Variants in SERPINE2 observed in about 807,000 individuals in gnomAD.
SERPINE2 encodes serpin family E member 2.
Under a neutral mutation model 36.3 loss-of-function variants are expected in SERPINE2, and 14 were observed. That is an observed-to-expected ratio of 0.39 (90% CI 0.25 to 0.60). SERPINE2 has a LOEUF of 0.60. Ranked by LOEUF, SERPINE2 falls within the 20% of genes least tolerant of loss-of-function variation. The probability of loss-of-function intolerance (pLI) is 0.57; values close to 1 mark genes in which losing one functional copy is unlikely to be tolerated. For missense variants in SERPINE2, 418 were observed against 499.6 expected (o/e 0.84, Z 1.56); for synonymous variants, 192 against 191.8 (o/e 1.00, Z -0.01).
intron 1 of SERPINE2, among the ~76,000 whole-genome samples, chr2:224,013,483 G>C (rs1691698496): frequency 6.6e-6 from 1 of 152,212 alleles, no homozygotes; most frequent in South Asian, 2.1e-4. Context: ...AGGAAGAGGA[G>C]GGAAGCAGGG....
Position 223,984,828 on chromosome 2 carries a change from G to A in SERPINE2, c.808C>T (p.Pro270Ser), listed in dbSNP as rs1334292924. The change falls in exon 5 of 9, where the codon CCA becomes TCA. Residue 270 changes from proline to serine, a missense_variant. Physicochemically the swap from Pro to Ser is moderately conservative, Grantham distance 74 (BLOSUM62 -1). Transcript: ENST00000409304. ...ESSTPLSAIIPHISTKTIDSW... is the reference protein window; with the variant it reads ...ESSTPLSAIISHISTKTIDSW... Reference sequence around the variant, plus strand: ...TCTATGGTCTTGGTGCTGATGTGTGGGATGATGGCAGACAGCGGAGTGGAG... The same window carrying A: ...TCTATGGTCTTGGTGCTGATGTGTGAGATGATGGCAGACAGCGGAGTGGAG... 1 of 1,614,066 alleles carries A rather than the reference G, an allele frequency of 6.2e-7. No individual in the cohort carries two copies. Among genetic ancestry groups the A allele is most frequent in the Non-Finnish European group, 8.5e-7 (1 of 1,180,020 alleles).
chr2:223,982,499 T>A, intron 6 of SERPINE2, 182 bp downstream of exon 6: 1 of 483,324 alleles, frequency 2.1e-6, no homozygotes, highest in Non-Finnish European at 3.6e-6. Context: ...AAGGAAAAAA[T>A]AAATAAATGA....
At chr2:224,000,466 G>A (rs539251777) in intron 2 of SERPINE2, among the ~76,000 whole-genome samples, 1 of 152,118 alleles carries the variant, frequency 6.6e-6, no homozygotes, top group Admixed American at 6.5e-5. Context: ...TTTTTCATTG[G>A]GCCTTACTTT....
At chr2:224,008,157 C>T (rs939599077) in intron 1 of SERPINE2, among the ~76,000 whole-genome samples, 1 of 152,080 alleles carries the variant, frequency 6.6e-6, no homozygotes, top group East Asian at 1.9e-4. Context: ...GTAGAGGTGC[C>T]GTAGAGGGTG....
At chr2:224,032,006 C>T (rs568870527) in intron 1 of SERPINE2, among the ~76,000 whole-genome samples, 2 of 152,336 alleles carry the variant, frequency 1.3e-5, no homozygotes, top group Admixed American at 6.5e-5. Flanking sequence ...TGTCAGCCAA[C>T]AGCTCTCCGC....
At chr2:224,035,248 C>A (rs181868040) in intron 1 of SERPINE2, among the ~76,000 whole-genome samples, 199 of 152,306 alleles carry the variant, frequency 1.3e-3, no homozygotes, top group African/African-American at 4.7e-3. Flanking sequence ...CAGAACGCCA[C>A]TATAAGCAAG....
At chr2:224,008,812 T>A (rs1327918561) in intron 1 of SERPINE2, among the ~76,000 whole-genome samples, 1 of 152,168 alleles carries the variant, frequency 6.6e-6, no homozygotes, top group Non-Finnish European at 1.5e-5. Flanking sequence ...CAAAGTCCAT[T>A]TACACCACTC....
intron 7 of SERPINE2, 96 bp downstream of exon 7, chr2:223,980,215 A>C: frequency 9.8e-7 from 1 of 1,016,722 alleles, no homozygotes; most frequent in Non-Finnish European, 1.5e-6. Flanking sequence ...CCTGGCTGGA[A>C]AGAGGGTGCA....
At chr2:224,017,246 G>A (rs1691829055) in intron 1 of SERPINE2, among the ~76,000 whole-genome samples, 1 of 139,108 alleles carries the variant, frequency 7.2e-6, no homozygotes, top group African/African-American at 2.7e-5. Flanking sequence ...AAGGGTACAC[G>A]AGAGCTCTCT....
At chr2:224,001,455 C>A in intron 2 of SERPINE2, 187 bp downstream of exon 2, 1 of 597,254 alleles carries the variant, frequency 1.7e-6, no homozygotes, top group Non-Finnish European at 2.8e-6. Context: ...GAGTCTAGTT[C>A]TCCTAACTGC....
chr2:223,995,866 A>G, intron 3 of SERPINE2, among the ~76,000 whole-genome samples: 1 of 152,196 alleles, frequency 6.6e-6, no homozygotes, highest in African/African-American at 2.4e-5. Context: ...GACTCTGACT[A>G]CTTTATTACG....
intron 1 of SERPINE2, among the ~76,000 whole-genome samples, chr2:224,023,221 C>T (rs758206510): frequency 3.2e-4 from 49 of 152,154 alleles, no homozygotes; most frequent in African/African-American, 1.2e-3. Flanking sequence ...GTTATTTATC[C>T]GTCTCTTGTG....
At chr2:223,994,577 C>T (rs1386693806) in intron 3 of SERPINE2, among the ~76,000 whole-genome samples, 2 of 152,022 alleles carry the variant, frequency 1.3e-5, no homozygotes, top group East Asian at 1.9e-4. Context: ...TCAAAAACTA[C>T]GAATGAGAGA....
At chr2:223,976,981 G>A (rs1690038780) in intron 8 of SERPINE2, among the ~76,000 whole-genome samples, 1 of 152,178 alleles carries the variant, frequency 6.6e-6, no homozygotes, top group Non-Finnish European at 1.5e-5. Flanking sequence ...GAGTTCTCAT[G>A]AGATCTGATG....
At chr2:224,005,234 G>A (rs1158574534) in intron 1 of SERPINE2, among the ~76,000 whole-genome samples, 1 of 151,330 alleles carries the variant, frequency 6.6e-6, no homozygotes, top group African/African-American at 2.4e-5. Flanking sequence ...ATAAATTTTC[G>A]CTAAAAGAAC....
rs151092331 is a variant in SERPINE2, at chr2:224,008,519, G to A, written c.-22-6597C>T. Among the ~76,000 whole-genome samples the A allele has an allele frequency of 9.2e-5, 14 of 152,244 alleles. No individual in the cohort carries two copies. In the East Asian group the frequency reaches 1.4e-3, roughly 15 times the overall value. Reference sequence around the variant, plus strand: ...TTTTTCAACATACTTTAAGGGTCTCGATCCACTGCAAATTTATTCTTATTG... The same window carrying A: ...TTTTTCAACATACTTTAAGGGTCTCAATCCACTGCAAATTTATTCTTATTG... On this transcript the variant is annotated intron_variant, in intron 1 of 8. Coordinates refer to ENST00000409304, the MANE Select transcript of SERPINE2 (RefSeq NM_001136528.2).
chr2:224,002,605 G>A (rs1691226897), intron 1 of SERPINE2, among the ~76,000 whole-genome samples: 2 of 151,042 alleles, frequency 1.3e-5, no homozygotes, highest in African/African-American at 4.9e-5. Context: ...TGATTCTCAC[G>A]TCTCAGCTTC....
chr2:224,008,205 T>C (rs1691497698), intron 1 of SERPINE2, among the ~76,000 whole-genome samples: 1 of 152,238 alleles, frequency 6.6e-6, no homozygotes, highest in South Asian at 2.1e-4. Flanking sequence ...TCTCTTTTTG[T>C]GGTGTTAGCA....
chr2:223,989,493 T>C (rs566890414), intron 4 of SERPINE2, among the ~76,000 whole-genome samples: 92 of 152,218 alleles, frequency 6.0e-4, no homozygotes, highest in African/African-American at 2.0e-3. Flanking sequence ...GGACAGTCTG[T>C]GGAAATGGAA....
Sources: allele counts gnomAD v4.1 joint callset (sites outside exome capture counted in the v4.1 genomes callset), GRCh38; gene constraint gnomAD v4.1.1; transcripts MANE v1.5; gene names NCBI Gene and HGNC (gene_info 2026-07-23, HGNC 2026-07-21).